The following PDE10A variants were observed in gnomAD, a reference collection of about 807,000 sequenced individuals.
PDE10A encodes the protein phosphodiesterase 10A.
PDE10A carries 39 observed loss-of-function variants against 97.7 expected under a neutral mutation model. That is an observed-to-expected ratio of 0.40 (90% CI 0.31 to 0.52). The LOEUF (loss-of-function observed/expected upper bound fraction) is 0.52, where lower values mean the gene tolerates loss of function less well. Among genes scored for constraint, PDE10A ranks in the 20% least tolerant of loss-of-function variants. PDE10A has a pLI of 0.56. For missense variants in PDE10A, 731 were observed against 1,047.8 expected (o/e 0.70, Z 4.17); for synonymous variants, 371 against 376.8 (o/e 0.98, Z 0.18).
At position 165,571,521 on chromosome 6, in the gene PDE10A, G is replaced by A. The variant is rs1217295850; in HGVS notation, c.866-27953C>T. ...CACTGCTATGGATAATGTTATCTGA[G>A]TGAGACAGGCCAGAGTTCCTAAGAC... is the stretch of plus-strand genomic sequence containing the variant. On this transcript the variant is annotated intron_variant, in intron 1 of 21. Transcript: ENST00000539869. 2.6e-5 allele frequency among the ~76,000 whole-genome samples: 4 copies of A among 152,184 alleles called. No homozygotes were observed. In the East Asian group the frequency reaches 7.7e-4, roughly 29 times the overall value.
At chr6:165,396,530 C>A in intron 13 of PDE10A, 71 bp from the exon 14 acceptor site, 1 of 1,456,150 alleles carries the variant, frequency 6.9e-7, no homozygotes, top group South Asian at 1.3e-5. Context: ...CACGGAAGTT[C>A]AGAATTTGGT....
At chr6:165,334,392 C>T (rs575497242) in intron 21 of PDE10A, among the ~76,000 whole-genome samples, 28 of 150,292 alleles carry the variant, frequency 1.9e-4, no homozygotes, top group South Asian at 1.7e-3. Context: ...GCCGGGCACG[C>T]GCCTCCATAG....
chr6:165,874,617 T>C (rs1035138912), intron 1 of PDE10A, among the ~76,000 whole-genome samples: 1 of 152,262 alleles, frequency 6.6e-6, no homozygotes, highest in African/African-American at 2.4e-5. Flanking sequence ...TTGATGAATG[T>C]TAAACAGTAT....
intron 1 of PDE10A, among the ~76,000 whole-genome samples, chr6:165,545,811 A>G (rs1336685390): frequency 2.0e-5 from 3 of 152,068 alleles, no homozygotes; most frequent in Non-Finnish European, 1.5e-5. Flanking sequence ...TTTAATCATG[A>G]TAAGGATGCA....
intron 1 of PDE10A, among the ~76,000 whole-genome samples, chr6:165,737,961 G>A (rs1022632828): frequency 1.3e-5 from 2 of 152,066 alleles, no homozygotes; most frequent in Admixed American, 6.5e-5. Context: ...TAAAGTAGCA[G>A]ATACAAAATC....
intron 1 of PDE10A, among the ~76,000 whole-genome samples, chr6:165,847,514 C>CA (rs1459367441): frequency 1.3e-5 from 2 of 152,270 alleles, no homozygotes; most frequent in Non-Finnish European, 2.9e-5. Context: ...AACATGTTAG[C>CA]ATAGAAGCAT....
intron 1 of PDE10A, among the ~76,000 whole-genome samples, chr6:165,859,454 G>C (rs1780840151): frequency 6.6e-6 from 1 of 152,148 alleles, no homozygotes; most frequent in Non-Finnish European, 1.5e-5. Context: ...TTCCCTTGGG[G>C]GCCACTTTAT....
At chr6:165,943,310 G>GAAA (rs1562810081) in intron 1 of PDE10A, among the ~76,000 whole-genome samples, 8 of 55,680 alleles carry the variant, frequency 1.4e-4, no homozygotes, top group Non-Finnish European at 1.7e-4. Context: ...AAAGAAAGAA[G>GAAA]GAAGGAAGGA....
At chr6:165,985,179 G>C (rs1265158093) in intron 1 of PDE10A, among the ~76,000 whole-genome samples, 1 of 152,168 alleles carries the variant, frequency 6.6e-6, no homozygotes. Flanking sequence ...CAACATGCCT[G>C]TTCACCTAAT....
At chr6:165,373,022 C>A (rs1317400987) in intron 18 of PDE10A, among the ~76,000 whole-genome samples, 1 of 144,442 alleles carries the variant, frequency 6.9e-6, no homozygotes, top group Non-Finnish European at 1.5e-5. Flanking sequence ...AACTGGCTAG[C>A]CATATGTAGA....
At chr6:165,651,228 C>G (rs1312030942) in intron 1 of PDE10A, among the ~76,000 whole-genome samples, 1 of 152,210 alleles carries the variant, frequency 6.6e-6, no homozygotes, top group Non-Finnish European at 1.5e-5. Flanking sequence ...AATTGCATGT[C>G]TCTTACCATG....
chr6:165,944,426 T>A (rs1783692040), intron 1 of PDE10A, among the ~76,000 whole-genome samples: 1 of 152,222 alleles, frequency 6.6e-6, no homozygotes, highest in African/African-American at 2.4e-5. Context: ...GTGGACATGG[T>A]GGGCCCCCAG....
intron 1 of PDE10A, among the ~76,000 whole-genome samples, chr6:165,734,985 GA>G (rs1331312655): frequency 1.3e-5 from 2 of 151,418 alleles, no homozygotes; most frequent in African/African-American, 2.4e-5. Flanking sequence ...TAGATAGATA[GA>G]TAGATAGTAG....
intron 1 of PDE10A, among the ~76,000 whole-genome samples, chr6:165,825,776 G>A (rs1465658641): frequency 1.5e-4 from 23 of 152,144 alleles, no homozygotes; most frequent in Non-Finnish European, 4.4e-5. Flanking sequence ...GCCTGAACCT[G>A]CCTCTGCCCA....
chr6:165,552,919 G>A (rs1163282325), intron 1 of PDE10A, among the ~76,000 whole-genome samples: 2 of 152,004 alleles, frequency 1.3e-5, no homozygotes, highest in African/African-American at 2.4e-5. Flanking sequence ...TGCTGAAAAC[G>A]GCCCAGTTCA....
chr6:165,875,776 G>A (rs1480105369), intron 1 of PDE10A, among the ~76,000 whole-genome samples: 20 of 133,948 alleles, frequency 1.5e-4, no homozygotes, highest in African/African-American at 4.3e-4. Context: ...GTTTTAACAC[G>A]GAGATATTTA....
chr6:165,540,480 A>G (rs561478376), intron 2 of PDE10A, among the ~76,000 whole-genome samples: 195 of 152,258 alleles, frequency 1.3e-3, no homozygotes, highest in African/African-American at 4.5e-3. Flanking sequence ...TCAACAAGCT[A>G]TTCTCCAATA....
intron 1 of PDE10A, among the ~76,000 whole-genome samples, chr6:165,871,495 T>A (rs1262418502): frequency 6.6e-6 from 1 of 152,160 alleles, no homozygotes; most frequent in Non-Finnish European, 1.5e-5. Context: ...ACTCTGGTCC[T>A]TCAAATGGCT....
rs185599608 is a variant in PDE10A at position 165,550,632 on chromosome 6, G to A, written c.866-7064C>T. Among the ~76,000 whole-genome samples the A allele has an allele frequency of 5.3e-5, 8 of 152,320 alleles. No individual in the cohort carries two copies. In the East Asian group the frequency reaches 9.7e-4, roughly 18 times the overall value. On this transcript the variant is annotated intron_variant, in intron 1 of 21. Transcript: ENST00000539869. ...ATCTGAATGTTATTAAGTATAACAG[G>A]TTAAGATATTTTTGGTTTATTCATA... is the stretch of plus-strand genomic sequence containing the variant.
Sources: gnomAD v4.1 joint callset for allele counts (sites outside exome capture counted in the v4.1 genomes callset) on GRCh38, gnomAD v4.1.1 for gene constraint, MANE v1.5 for transcripts, NCBI Gene and HGNC (gene_info 2026-07-23, HGNC 2026-07-21) for gene names.